Variants in EHBP1L1 observed in about 807,000 individuals in gnomAD.
The protein encoded by EHBP1L1 is EH domain-binding protein 1-like protein 1.
In EHBP1L1, 122 loss-of-function variants were observed where a neutral mutation model predicts 151.1. That is an observed-to-expected ratio of 0.81 (90% CI 0.70 to 0.94). The LOEUF (loss-of-function observed/expected upper bound fraction) is 0.94. EHBP1L1 is among the 40% of genes least tolerant of loss of function. The pLI is 0.00. For synonymous variants in EHBP1L1, 878 were observed against 810.1 expected (o/e 1.08, Z -1.42); for missense variants, 1,941 against 1,959.8 (o/e 0.99, Z 0.18).
At position 65,585,062 on chromosome 11, in the gene EHBP1L1, GC is replaced by G. The variant is rs1857872859; in HGVS notation, c.3406del (p.Gln1136ArgfsTer105). ...AAGCTCATCGTCATGACGTACCTGT[GC>G]CAGATCCGCGCCTTCTGCACCGGGC... ...PDKLIVMTYL[C>X]QIRAFCTGQE... is the part of the protein sequence containing the mutation. On this transcript the variant is annotated frameshift_variant, in exon 12 of 19. Coordinates refer to ENST00000309295, the MANE Select transcript of EHBP1L1 (RefSeq NM_001099409.3). LOFTEE classifies it high-confidence loss of function. The surrounding 1 kb of genome is among the most constrained non-coding windows in gnomAD (Gnocchi z 4.0). 4 of 1,543,778 alleles carry G rather than the reference GC, an allele frequency of 2.6e-6. No individual in the cohort carries two copies. The highest frequency in any genetic ancestry group is 3.5e-6 in the Non-Finnish European group (4 of 1,152,426).
rs1857566471 is a variant in EHBP1L1 at position 65,580,899 on chromosome 11, C to A, written c.635-159C>A. The A allele has an allele frequency of 2.8e-6, 4 of 1,428,558 alleles. No individual in the cohort carries two copies. In the South Asian group the frequency reaches 6.1e-5, roughly 22 times the overall value. The allele number at this position is 1,428,558 out of a possible 1,614,324, so 88.5% of individuals were successfully genotyped here. A position where few individuals can be genotyped will look rare whatever the true frequency, so the allele number is the denominator to read the frequency against. On this transcript the variant is annotated intron_variant, in intron 6 of 18. Coordinates refer to ENST00000309295, the MANE Select transcript of EHBP1L1 (RefSeq NM_001099409.3). ...TTGAGGTTCTCTCTCTCTTTCTCTC[C>A]ACATCTGTGGGCCTGTCTCTTCTCG... is the stretch of plus-strand genomic sequence containing the variant.
chr11:65,589,851 T>G lies in EHBP1L1; in HGVS notation c.4003+31T>G, dbSNP rs915372144. On this transcript the variant is annotated intron_variant, in intron 13 of 18. Coordinates refer to ENST00000309295, the MANE Select transcript of EHBP1L1 (RefSeq NM_001099409.3). ...TAGCAGGAGTGGTGACCATCTCAGTTCAGGCTGCTCACAAAGCCTGGACTG... is the reference window on the plus strand; with the variant it reads ...TAGCAGGAGTGGTGACCATCTCAGTGCAGGCTGCTCACAAAGCCTGGACTG... 11 of 1,550,402 alleles carry G rather than the reference T, an allele frequency of 7.1e-6. No homozygotes were observed. In the East Asian group the frequency reaches 1.4e-4, roughly 20 times the overall value.
Position 65,582,695 on chromosome 11 carries a change from G to A in EHBP1L1, c.2023G>A (p.Val675Ile). 1.9e-6 allele frequency: 3 copies of A among 1,613,664 alleles called. No homozygotes were observed. The highest frequency in any genetic ancestry group is 2.5e-6 in the Non-Finnish European group (3 of 1,179,862). ...QTRTTIAETE[V>I]LVTQEISGDL... ...AAGAACTACGATAGCAGAGACTGAG[G>A]TACTGGTGACCCAGGAGATATCTGG... The change falls in exon 9 of 19, where the codon GTA (valine) becomes ATA (isoleucine). Residue 675 changes from valine (V) to isoleucine (I), a missense_variant. Val to Ile is a conservative substitution (Grantham distance 29). Transcript: ENST00000309295.
intron 6 of EHBP1L1, chr11:65,580,816 C>T (rs1301331188): frequency 1.9e-6 from 2 of 1,044,342 alleles, no homozygotes; most frequent in East Asian, 2.9e-5. Flanking sequence ...CCTCCTGGGC[C>T]AGCTGGGGCT....
rs756334176 is a variant in EHBP1L1 at position 65,585,441 on chromosome 11, G to A, written c.3783G>A (p.Glu1261=). The A allele has an allele frequency of 2.4e-5, 36 of 1,504,846 alleles. No individual in the cohort carries two copies. The highest frequency in any genetic ancestry group is 1.8e-6 in the Non-Finnish European group (2 of 1,132,166). 93.2% of individuals were successfully genotyped at this position (1,504,846 alleles called of 1,614,324 possible). The change falls in exon 12 of 19, where the codon GAG becomes GAA. Residue 1261 remains glutamate (E), a synonymous_variant. Transcript: ENST00000309295. The surrounding 1 kb of genome is among the most constrained non-coding windows in gnomAD (Gnocchi z 4.0). ...TGCGACGGCCCTCGGTCAACGGGGA[G>A]CCCGGGTCGGTGCCCCCGCCCCGCG... ...VRLRRPSVNG[E]PGSVPPPRAH... is the part of the protein sequence containing the mutation.
In EHBP1L1 at chr11:65,590,366, T is replaced by A; in HGVS notation, c.4184-127T>A. 2.7e-6 allele frequency: 4 copies of A among 1,495,298 alleles called. 1 individual carries two copies. The South Asian group carries it at 4.9e-5, about 19-fold the overall frequency. The allele number at this position is 1,495,298 out of a possible 1,614,324, so 92.6% of individuals were successfully genotyped here. A position where few individuals can be genotyped will look rare whatever the true frequency, so the allele number is the denominator to read the frequency against. On this transcript the variant is annotated intron_variant, in intron 15 of 18. Coordinates refer to ENST00000309295, the MANE Select transcript of EHBP1L1 (RefSeq NM_001099409.3). ...GGCATGCTGAGGCCCTGAAGTGGCT[T>A]CCTCGAGGCACACAGTTCTGGCTTC...
chr11:65,583,942 A>G (rs1857787713), intron 9 of EHBP1L1, 177 bp downstream of exon 9: 1 of 1,413,292 alleles, frequency 7.1e-7, no homozygotes, highest in Non-Finnish European at 9.2e-7. Context: ...CTCTTACCCC[A>G]TCTTCCCTGG....
At position 65,582,403 on chromosome 11, in the gene EHBP1L1, A is replaced by G; in HGVS notation, c.1731A>G (p.Val577=). 3 of 1,605,366 alleles carry G rather than the reference A, an allele frequency of 1.9e-6. No individual in the cohort carries two copies. Among genetic ancestry groups the G allele is most frequent in the Non-Finnish European group, 2.5e-6 (3 of 1,176,820 alleles). ...SGDLETETEV[V]GLEVLGTQEK... The stretch of plus-strand genomic sequence containing the variant: ...ACCTGGAAACAGAGACTGAGGTGGT[A>G]GGGTTGGAGGTGCTGGGAACCCAGG... Residue 577 remains valine (V), a synonymous_variant, in exon 9 of 19, where the codon GTA becomes GTG. Coordinates refer to ENST00000309295, the MANE Select transcript of EHBP1L1 (RefSeq NM_001099409.3).
In EHBP1L1 at chr11:65,592,501, G is replaced by GGT. The variant is rs1858391796; in HGVS notation, c.*205_*206dup. On this transcript the variant is annotated 3_prime_UTR_variant, in exon 19 of 19. Coordinates refer to ENST00000309295, the MANE Select transcript of EHBP1L1 (RefSeq NM_001099409.3). ...GCCGCCGTATTTATTTGTCACCGAG[G>GGT]GTGTGTGCGCGCTCGCGGCGGGTGC... 4.2e-6 allele frequency: 1 copy of GGT among 238,350 alleles called. No individual in the cohort carries two copies. The highest frequency in any genetic ancestry group is 2.3e-5 in the African/African-American group (1 of 42,904). 14.8% of individuals were successfully genotyped at this position (238,350 alleles called of 1,614,324 possible).
intron 12 of EHBP1L1, among the ~76,000 whole-genome samples, chr11:65,588,698 G>A (rs576724015): frequency 1.1e-4 from 17 of 152,332 alleles, no homozygotes; most frequent in East Asian, 1.9e-4. Flanking sequence ...CAGCTGAGTC[G>A]AAAGTTGGGG....
intron 3 of EHBP1L1, 26 bp from the exon 4 acceptor site, chr11:65,579,910 G>C: frequency 6.2e-7 from 1 of 1,613,026 alleles, no homozygotes; most frequent in Non-Finnish European, 8.5e-7. Flanking sequence ...CAACAGTCCT[G>C]TACTCACCAG....
rs920728552 is a variant in EHBP1L1, at chr11:65,592,377, G to A, written c.*75G>A. The stretch of plus-strand genomic sequence containing the variant: ...GCCGCCCCGGGCCTGCGCTGCGGAC[G>A]ACCCGGCCGTCCCGGAGGCCGCGCG... On this transcript the variant is annotated 3_prime_UTR_variant, in exon 19 of 19. Coordinates refer to ENST00000309295, the MANE Select transcript of EHBP1L1 (RefSeq NM_001099409.3). 4.7e-4 allele frequency: 535 copies of A among 1,135,818 alleles called. 2 individuals carry two copies. The African/African-American group carries it at 8.4e-3, about 18-fold the overall frequency. 70.4% of individuals were successfully genotyped at this position (1,135,818 alleles called of 1,614,324 possible).
chr11:65,579,428 C>T lies in EHBP1L1; in HGVS notation c.250C>T (p.Leu84Phe), dbSNP rs1038859235. ...TGAGAATGTGGACATCTCTGTGACC[C>T]TCTACAGGGTGAGTCTCTAGCCCTC... ...VPENVDISVTLYRDPHVDQYE... is the reference protein window; with the variant it reads ...VPENVDISVTFYRDPHVDQYE... Residue 84 changes from leucine to phenylalanine, a missense_variant, in exon 3 of 19, where the codon CTC becomes TTC. By Grantham distance (22) the Leu-to-Phe change is conservative. Coordinates refer to ENST00000309295, the MANE Select transcript of EHBP1L1 (RefSeq NM_001099409.3). The T allele has an allele frequency of 3.9e-6, 6 of 1,537,328 alleles. No homozygotes were observed. The highest frequency in any genetic ancestry group is 5.3e-6 in the Non-Finnish European group (6 of 1,139,676).
In EHBP1L1 at chr11:65,585,561, G is replaced by C; in HGVS notation, c.3903G>C (p.Pro1301=). ...GCAGCTCGTTCTCGATGGACGATCCGGACGCGGGAGCCATGGGAGCTGCGG... is the reference window on the plus strand; with the variant it reads ...GCAGCTCGTTCTCGATGGACGATCCCGACGCGGGAGCCATGGGAGCTGCGG... ...RNSSSFSMDD[P]DAGAMGAAAA... is the part of the protein sequence containing the mutation. Residue 1301 remains proline (P), a synonymous_variant, in exon 12 of 19, where the codon CCG becomes CCC. Coordinates refer to ENST00000309295, the MANE Select transcript of EHBP1L1 (RefSeq NM_001099409.3). The surrounding 1 kb of genome is among the most constrained non-coding windows in gnomAD (Gnocchi z 4.0). The C allele has an allele frequency of 6.3e-7, 1 of 1,581,966 alleles. No individual in the cohort carries two copies. Among genetic ancestry groups the C allele is most frequent in the Admixed American group, 1.7e-5 (1 of 57,824 alleles).
chr11:65,590,496 C>G lies in EHBP1L1; in HGVS notation c.4187C>G (p.Ala1396Gly), dbSNP rs751272574. The change falls in exon 16 of 19, where the codon GCC becomes GGC. Residue 1396 changes from alanine to glycine, a missense_variant. Transcript: ENST00000309295. ...TGACTGTCCCTGTCCAATGCAGGTG[C>G]CAACAAGCTGCAGGAGGAGGTGCTG... ...MQLRSLMESG[A>G]NKLQEEVLIQ... The G allele has an allele frequency of 1.9e-6, 3 of 1,613,050 alleles. No homozygotes were observed. Among genetic ancestry groups the G allele is most frequent in the Admixed American group, 3.3e-5 (2 of 59,990 alleles).
Position 65,592,191 on chromosome 11 carries a change from C to G in EHBP1L1, c.4473-12C>G. The stretch of plus-strand genomic sequence containing the variant: ...GCCCAACGGAGCGCTGACTCGAACC[C>G]GTTCTCCCCAGCGCCCTGGAGGAGG... On this transcript the variant is annotated splice_polypyrimidine_tract_variant and intron_variant, in intron 18 of 18. Transcript: ENST00000309295. 6.3e-7 allele frequency: 1 copy of G among 1,579,412 alleles called. No individual in the cohort carries two copies. Among genetic ancestry groups the G allele is most frequent in the South Asian group, 1.1e-5 (1 of 88,536 alleles).
At position 65,580,359 on chromosome 11, in the gene EHBP1L1, G is replaced by A. The variant is rs199551986; in HGVS notation, c.514G>A (p.Ala172Thr). ...CAGGGACGATGACATGCAGAGTCTCGCAAGCCTCATGAGTGTGAAGCCTAG... is the reference window on the plus strand; with the variant it reads ...CAGGGACGATGACATGCAGAGTCTCACAAGCCTCATGAGTGTGAAGCCTAG... ...RATDDDMQSLASLMSVKPSDV... is the reference protein window; with the variant it reads ...RATDDDMQSLTSLMSVKPSDV... Residue 172 changes from alanine (A) to threonine (T), a missense_variant, in exon 6 of 19, where the codon GCA becomes ACA. Physicochemically the swap from Ala to Thr is moderately conservative, Grantham distance 58. Transcript: ENST00000309295. 1,216 of 1,613,724 alleles carry A rather than the reference G, an allele frequency of 7.5e-4. 13 individuals are homozygous for A. The highest frequency in any genetic ancestry group is 6.8e-3 in the South Asian group (621 of 91,086).
Position 65,581,592 on chromosome 11 carries a change from G to A in EHBP1L1, c.920G>A (p.Arg307Gln), listed in dbSNP as rs3741380. Residue 307 changes from arginine to glutamine, a missense_variant, in exon 9 of 19, where the codon CGG becomes CAG. Arg to Gln is a conservative substitution (Grantham distance 43). Transcript: ENST00000309295. Reference sequence around the variant, plus strand: ...GCCCCCACCCCAGCCCCTCGGCTCCGGAAAGGCTCTGATGCCCTCCGGCCC... The same window carrying A: ...GCCCCCACCCCAGCCCCTCGGCTCCAGAAAGGCTCTGATGCCCTCCGGCCC... ...DTAPTPAPRL[R>Q]KGSDALRPPV... is the part of the protein sequence containing the mutation. The A allele has an allele frequency of 0.47, 716,814 of 1,515,998 alleles. 170,708 individuals are homozygous for A. Among genetic ancestry groups the A allele is most frequent in the South Asian group, 0.52 (40,762 of 77,838 alleles). 93.9% of individuals were successfully genotyped at this position (1,515,998 alleles called of 1,614,324 possible). A position where few individuals can be genotyped will look rare whatever the true frequency, so the allele number is the denominator to read the frequency against.
At position 65,581,635 on chromosome 11, in the gene EHBP1L1, A is replaced by G. The variant is rs1217360873; in HGVS notation, c.963A>G (p.Glu321=). ...DALRPPVPQG[E]DEVPKASGAP... ...TCCGGCCCCCAGTCCCCCAGGGGGA[A>G]GATGAGGTCCCCAAAGCCTCAGGGG... Residue 321 remains glutamate, a synonymous_variant, in exon 9 of 19, where the codon GAA becomes GAG. Coordinates refer to ENST00000309295, the MANE Select transcript of EHBP1L1 (RefSeq NM_001099409.3). The G allele has an allele frequency of 4.3e-5, 67 of 1,552,262 alleles. No individual in the cohort carries two copies. The highest frequency in any genetic ancestry group is 5.7e-5 in the Non-Finnish European group (65 of 1,148,164).
Sources: allele counts gnomAD v4.1 joint callset (sites outside exome capture counted in the v4.1 genomes callset), GRCh38; gene constraint gnomAD v4.1.1; non-coding constraint Gnocchi (gnomAD v3.1); transcripts MANE v1.5; gene names NCBI Gene and HGNC (gene_info 2026-07-23, HGNC 2026-07-21).